The following RABGAP1L variants were observed in gnomAD, a reference collection of about 807,000 sequenced individuals.
The protein encoded by RABGAP1L is rab GTPase-activating protein 1-like.
In RABGAP1L, 63 loss-of-function variants were observed where a neutral mutation model predicts 137.7. That is an observed-to-expected ratio of 0.46 (90% CI 0.37 to 0.56). The LOEUF is 0.56. Among genes scored for constraint, RABGAP1L ranks in the 20% least tolerant of loss-of-function variants. The pLI is 0.00. For missense variants in RABGAP1L, 1,095 were observed against 1,244.0 expected (o/e 0.88, Z 1.80); for synonymous variants, 431 against 433.7 (o/e 0.99, Z 0.08).
intron 12 of RABGAP1L, among the ~76,000 whole-genome samples, chr1:174,383,621 T>G (rs951571216): frequency 1.3e-5 from 2 of 152,220 alleles, no homozygotes; most frequent in East Asian, 3.9e-4. Context: ...GCTTCCCAAG[T>G]GAGGCAATGC....
intron 7 of RABGAP1L, among the ~76,000 whole-genome samples, chr1:174,271,557 A>C (rs780868844): frequency 2.6e-5 from 4 of 152,114 alleles, no homozygotes; most frequent in Non-Finnish European, 5.9e-5. Context: ...CCCTGTGGAC[A>C]GATTACATTG....
At chr1:174,331,508 A>G (rs2148864436) in intron 11 of RABGAP1L, among the ~76,000 whole-genome samples, 1 of 152,354 alleles carries the variant, frequency 6.6e-6, no homozygotes, top group African/African-American at 2.4e-5. Context: ...AAGATGACAT[A>G]CAAATAGTCA....
In RABGAP1L at chr1:174,969,401, A is replaced by G; in HGVS notation, c.2544+14A>G. The G allele has an allele frequency of 6.5e-7, 1 of 1,532,252 alleles. No individual in the cohort carries two copies. Among genetic ancestry groups the G allele is most frequent in the South Asian group, 1.2e-5 (1 of 83,686 alleles). The allele number at this position is 1,532,252 out of a possible 1,614,324, so 94.9% of individuals were successfully genotyped here. A position where few individuals can be genotyped will look rare whatever the true frequency, so the allele number is the denominator to read the frequency against. On this transcript the variant is annotated intron_variant, in intron 21 of 25. Coordinates refer to ENST00000681986, the MANE Select transcript of RABGAP1L (RefSeq NM_001366446.1). Reference sequence around the variant, plus strand: ...GACTTGGATCAGGTAATCCTTAGAAATGAGACTGTGATGACTTCCTCAGGG... The same window carrying G: ...GACTTGGATCAGGTAATCCTTAGAAGTGAGACTGTGATGACTTCCTCAGGG...
intron 17 of RABGAP1L, among the ~76,000 whole-genome samples, chr1:174,715,364 C>G (rs1362723375): frequency 2.0e-5 from 3 of 152,102 alleles, no homozygotes; most frequent in African/African-American, 7.2e-5. Flanking sequence ...AAAATGAGAC[C>G]TTTCATTGAA....
At chr1:174,315,320 G>C (rs575589996) in intron 11 of RABGAP1L, among the ~76,000 whole-genome samples, 34 of 151,766 alleles carry the variant, frequency 2.2e-4, no homozygotes, top group African/African-American at 8.2e-4. Flanking sequence ...TTTTTTGTTT[G>C]TTTTCTTGTT....
At chr1:174,200,019 T>G (rs1318025158) in intron 1 of RABGAP1L, among the ~76,000 whole-genome samples, 1 of 152,230 alleles carries the variant, frequency 6.6e-6, no homozygotes, top group Non-Finnish European at 1.5e-5. Flanking sequence ...GTTAAAGAAG[T>G]CATATTCATT....
At chr1:174,241,690 G>T in intron 5 of RABGAP1L, 33 bp downstream of exon 5, 1 of 1,493,008 alleles carries the variant, frequency 6.7e-7, no homozygotes, top group Non-Finnish European at 9.1e-7. Context: ...ATTTGCTATA[G>T]AGATGAATTA....
intron 13 of RABGAP1L, among the ~76,000 whole-genome samples, chr1:174,472,752 A>G (rs1486247689): frequency 1.3e-5 from 2 of 152,124 alleles, no homozygotes. Flanking sequence ...ATATACCCAA[A>G]TTTCAGACTC....
intron 18 of RABGAP1L, among the ~76,000 whole-genome samples, chr1:174,807,366 A>G (rs1689412805): frequency 1.3e-5 from 2 of 152,236 alleles, no homozygotes; most frequent in Admixed American, 6.5e-5. Context: ...TTTTAAAAAA[A>G]AAGCCAAACA....
At chr1:174,226,421 C>T (rs74128322) in intron 3 of RABGAP1L, among the ~76,000 whole-genome samples, 2,907 of 152,246 alleles carry the variant, frequency 0.019, 58 homozygotes, top group African/African-American at 0.045. Flanking sequence ...AAGAGTCCTC[C>T]GGTCGTTGCT....
At chr1:174,547,749 G>A in intron 13 of RABGAP1L, 1 of 1,128,696 alleles carries the variant, frequency 8.9e-7, no homozygotes, top group Non-Finnish European at 1.3e-6. Flanking sequence ...TGGAGTCATT[G>A]TATTTGTATT....
chr1:174,240,482 A>T (rs1244008787), intron 4 of RABGAP1L, among the ~76,000 whole-genome samples: 1 of 152,194 alleles, frequency 6.6e-6, no homozygotes, highest in Non-Finnish European at 1.5e-5. Context: ...TCCTGACCTC[A>T]AGTGATCCAC....
chr1:174,225,523 A>G, intron 3 of RABGAP1L, among the ~76,000 whole-genome samples: 1 of 142,726 alleles, frequency 7.0e-6, no homozygotes, highest in East Asian at 2.0e-4. Flanking sequence ...TTTAAAGCAG[A>G]CATTCCACCT....
chr1:174,620,897 TAAAG>T (rs1435579080), intron 13 of RABGAP1L, among the ~76,000 whole-genome samples: 3 of 151,384 alleles, frequency 2.0e-5, no homozygotes, highest in Non-Finnish European at 4.4e-5. Context: ...GCAAGACTAA[TAAAG>T]AAGAAAAGAG....
chr1:174,544,601 A>G (rs892744317), intron 13 of RABGAP1L, among the ~76,000 whole-genome samples: 1 of 152,164 alleles, frequency 6.6e-6, no homozygotes, highest in Non-Finnish European at 1.5e-5. Flanking sequence ...TTCTTCTCTC[A>G]ACTTGTCAAA....
At chr1:174,695,722 C>G (rs1679199974) in intron 15 of RABGAP1L, among the ~76,000 whole-genome samples, 1 of 152,166 alleles carries the variant, frequency 6.6e-6, no homozygotes, top group Non-Finnish European at 1.5e-5. Context: ...TCTTCATAGT[C>G]TGAACTTATT....
Position 174,328,009 on chromosome 1 carries a change from A to ATATG in RABGAP1L, c.1465+22885_1465+22886insGTAT, listed in dbSNP as rs1680691156. Among the ~76,000 whole-genome samples, 11 of 128,872 alleles carry ATATG rather than the reference A, an allele frequency of 8.5e-5. No individual in the cohort carries two copies. In the South Asian group the frequency reaches 1.4e-3, roughly 17 times the overall value. 84.5% of individuals were successfully genotyped at this position (128,872 alleles called of 152,430 possible). On this transcript the variant is annotated intron_variant, in intron 11 of 25. Transcript: ENST00000681986. Reference sequence around the variant, plus strand: ...CACATATATATATATATATATATATATATATATATATATATACCCAACATC... The same window carrying ATATG: ...CACATATATATATATATATATATATATATGTATATATATATATATACCCAACATC...
intron 13 of RABGAP1L, among the ~76,000 whole-genome samples, chr1:174,578,313 T>G (rs1200834402): frequency 6.6e-6 from 1 of 152,130 alleles, no homozygotes; most frequent in Non-Finnish European, 1.5e-5. Flanking sequence ...GCTTCCTGAG[T>G]AGCTGGGACA....
chr1:174,299,357 C>T (rs1053709067), intron 10 of RABGAP1L, among the ~76,000 whole-genome samples: 4 of 152,202 alleles, frequency 2.6e-5, no homozygotes, highest in Admixed American at 6.5e-5. Context: ...AGGTCAGGAA[C>T]TCTGTACAGG....
Sources: gnomAD v4.1 joint callset for allele counts (sites outside exome capture counted in the v4.1 genomes callset) on GRCh38, gnomAD v4.1.1 for gene constraint, MANE v1.5 for transcripts, NCBI Gene and HGNC (gene_info 2026-07-23, HGNC 2026-07-21) for gene names.